The following NFIB variants were observed in gnomAD, a reference collection of about 807,000 sequenced individuals.
NFIB encodes nuclear factor 1 B-type.
Under a neutral mutation model 61.5 loss-of-function variants are expected in NFIB, and 11 were observed. That is an observed-to-expected ratio of 0.18 (90% CI 0.11 to 0.30). The LOEUF is 0.30. Ranked by LOEUF, NFIB falls within the 10% of genes least tolerant of loss-of-function variation. The pLI is 1.00. For missense variants in NFIB, 471 were observed against 608.9 expected (o/e 0.77, Z 2.38); for synonymous variants, 260 against 216.5 (o/e 1.20, Z -1.76).
intron 10 of NFIB, among the ~76,000 whole-genome samples, chr9:14,104,596 T>C (rs1040046164): frequency 1.3e-5 from 2 of 152,120 alleles, no homozygotes; most frequent in African/African-American, 4.8e-5. Context: ...TTGTTTGTTT[T>C]TTGAGACAGG....
At chr9:14,122,866 G>A (rs936860273) in intron 7 of NFIB, among the ~76,000 whole-genome samples, 18 of 152,118 alleles carry the variant, frequency 1.2e-4, no homozygotes, top group African/African-American at 4.3e-4. Flanking sequence ...AGCTGTAGGT[G>A]GCCTGATACC....
intron 1 of NFIB, among the ~76,000 whole-genome samples, chr9:14,378,295 G>C (rs1588393761): frequency 6.6e-6 from 1 of 152,140 alleles, no homozygotes; most frequent in East Asian, 1.9e-4. Flanking sequence ...AATAAATGCA[G>C]CTATTTATAT....
At chr9:14,428,089 G>T in the NFIB span, among the ~76,000 whole-genome samples, 1 of 151,114 alleles carries the variant, frequency 6.6e-6, no homozygotes, top group Non-Finnish European at 1.5e-5. Context: ...GGGACTACAG[G>T]CATATGCCAC....
At chr9:14,132,626 G>T (rs1384556444) in intron 6 of NFIB, among the ~76,000 whole-genome samples, 1 of 151,934 alleles carries the variant, frequency 6.6e-6, no homozygotes, top group Middle Eastern at 3.2e-3. Context: ...AGGCTGCAGT[G>T]GCACAATCAT....
chr9:14,178,123 C>T (rs183564941), intron 3 of NFIB, among the ~76,000 whole-genome samples: 2 of 152,212 alleles, frequency 1.3e-5, no homozygotes, highest in Non-Finnish European at 2.9e-5. Context: ...AAAGGTTCCC[C>T]TCTTCTCCCA....
At chr9:14,411,676 C>G in the NFIB span, among the ~76,000 whole-genome samples, 1 of 152,138 alleles carries the variant, frequency 6.6e-6, no homozygotes, top group African/African-American at 2.4e-5. Context: ...GGGTCCTTCT[C>G]TCATGCACCT....
chr9:14,208,061 A>C (rs1275553472), intron 2 of NFIB, among the ~76,000 whole-genome samples: 1 of 152,158 alleles, frequency 6.6e-6, no homozygotes, highest in East Asian at 1.9e-4. Flanking sequence ...TCAAAATCTA[A>C]ATTCAAAGGT....
intron 2 of NFIB, among the ~76,000 whole-genome samples, chr9:14,181,866 G>C (rs781115416): frequency 1.8e-4 from 27 of 152,314 alleles, no homozygotes; most frequent in Admixed American, 1.3e-3. Flanking sequence ...GATAGTTAAA[G>C]TTGTCAATTG....
the NFIB span, among the ~76,000 whole-genome samples, chr9:14,494,377 C>G: frequency 6.6e-6 from 1 of 152,138 alleles, no homozygotes; most frequent in Non-Finnish European, 1.5e-5. Context: ...TTTTGGTTCT[C>G]TATTGTACTG....
At chr9:14,400,429 A>ATTTTG (rs1459555700), upstream of NFIB, among the ~76,000 whole-genome samples, 1 of 152,004 alleles carries the variant, frequency 6.6e-6, no homozygotes. Context: ...TTCCCGTTAA[A>ATTTTG]TTTTGTTTTG....
chr9:14,203,498 T>C (rs561973053), intron 2 of NFIB, among the ~76,000 whole-genome samples: 3 of 152,356 alleles, frequency 2.0e-5, no homozygotes, highest in Admixed American at 1.3e-4. Flanking sequence ...TTCTGGACTG[T>C]GTATCTCTAC....
chr9:14,438,565 G>A, the NFIB span, among the ~76,000 whole-genome samples: 1 of 152,314 alleles, frequency 6.6e-6, no homozygotes, highest in South Asian at 2.1e-4. Context: ...TGGAAAGGGG[G>A]TGGTGGAGGT....
At chr9:14,494,238 G>T in the NFIB span, among the ~76,000 whole-genome samples, 3 of 152,204 alleles carry the variant, frequency 2.0e-5, no homozygotes, top group Admixed American at 2.0e-4. Flanking sequence ...CTTCCCTCAT[G>T]TAAGGAGTTT....
At chr9:14,475,412 G>T in the NFIB span, among the ~76,000 whole-genome samples, 1 of 152,214 alleles carries the variant, frequency 6.6e-6, no homozygotes, top group Non-Finnish European at 1.5e-5. Context: ...GCCTTAGTAA[G>T]TGAGGAGAGC....
chr9:14,399,388 G>C (rs2061720106), upstream of NFIB, among the ~76,000 whole-genome samples: 1 of 152,096 alleles, frequency 6.6e-6, no homozygotes, highest in African/African-American at 2.4e-5. Context: ...CATTAACACA[G>C]GAATTCTAAA....
In NFIB at chr9:14,182,708, C is replaced by CTCTCTCTCTG. The variant is rs778914837; in HGVS notation, c.563-2929_563-2928insCAGAGAGAGA. ...CCTCTCTCTCTCTCTCTCTCTCTCTCTGTGTGTGTGTGTGTGTGTGTGTGT... is the reference window on the plus strand; with the variant it reads ...CCTCTCTCTCTCTCTCTCTCTCTCTCTCTCTCTCTGTGTGTGTGTGTGTGTGTGTGTGTGT... On this transcript the variant is annotated intron_variant, in intron 2 of 10. Coordinates refer to ENST00000380953, the MANE Select transcript of NFIB (RefSeq NM_001190737.2). 7.0e-3 allele frequency among the ~76,000 whole-genome samples: 675 copies of CTCTCTCTCTG among 96,980 alleles called. 8 individuals carry two copies. The highest frequency in any genetic ancestry group is 8.0e-3 in the Non-Finnish European group (400 of 49,762). 63.6% of individuals were successfully genotyped at this position (96,980 alleles called of 152,430 possible).
chr9:14,214,215 C>G (rs1006665884), intron 2 of NFIB, among the ~76,000 whole-genome samples: 2 of 152,182 alleles, frequency 1.3e-5, no homozygotes, highest in African/African-American at 2.4e-5. Flanking sequence ...CACCAACTTC[C>G]CCTTCCCCAC....
intron 7 of NFIB, among the ~76,000 whole-genome samples, chr9:14,122,304 G>A (rs12000934): frequency 0.042 from 6,391 of 152,104 alleles, 419 homozygotes; most frequent in African/African-American, 0.14. Context: ...TTATAGTCAC[G>A]ACTTTGTTCT....
intron 2 of NFIB, among the ~76,000 whole-genome samples, chr9:14,251,077 T>G (rs2055551658): frequency 6.6e-6 from 1 of 152,192 alleles, no homozygotes; most frequent in Non-Finnish European, 1.5e-5. Context: ...ATTATAGTAT[T>G]TTGTTTTAAA....
Sources: allele counts gnomAD v4.1 joint callset (sites outside exome capture counted in the v4.1 genomes callset), GRCh38; gene constraint gnomAD v4.1.1; transcripts MANE v1.5; gene names NCBI Gene and HGNC (gene_info 2026-07-23, HGNC 2026-07-21).